The following DNM3 variants were observed in gnomAD, a reference collection of about 807,000 sequenced individuals.
DNM3 encodes dynamin-3.
A neutral mutation model predicts 101.6 loss-of-function variants in DNM3; 47 were observed. That is an observed-to-expected ratio of 0.46 (90% confidence interval 0.37 to 0.59). The LOEUF (loss-of-function observed/expected upper bound fraction) is 0.59, where lower values mean the gene tolerates loss of function less well. DNM3 is among the 20% of genes least tolerant of loss of function. The probability of loss-of-function intolerance (pLI) is 0.00; values close to 1 mark genes in which losing one functional copy is unlikely to be tolerated. For missense variants in DNM3, 849 were observed against 1,085.7 expected (o/e 0.78, Z 3.06); for synonymous variants, 385 against 387.9 (o/e 0.99, Z 0.09).
intron 2 of DNM3, among the ~76,000 whole-genome samples, chr1:171,977,606 T>G (rs887344998): frequency 6.6e-6 from 1 of 152,236 alleles, no homozygotes; most frequent in East Asian, 1.9e-4. Flanking sequence ...GTTTCCTACA[T>G]CCTTATAATT....
At chr1:172,036,885 C>T (rs887531788) in intron 6 of DNM3, among the ~76,000 whole-genome samples, 53 of 151,266 alleles carry the variant, frequency 3.5e-4, no homozygotes, top group African/African-American at 1.3e-3. Context: ...AAAATTTTCG[C>T]AACCTACTCA....
chr1:172,025,468 C>A (rs898566920), intron 4 of DNM3, among the ~76,000 whole-genome samples: 4 of 152,238 alleles, frequency 2.6e-5, no homozygotes, highest in Admixed American at 2.6e-4. Context: ...GACAGAATGT[C>A]TCCTTAAGTG....
At chr1:172,024,275 A>G (rs1037562893) in intron 4 of DNM3, among the ~76,000 whole-genome samples, 35 of 152,194 alleles carry the variant, frequency 2.3e-4, no homozygotes, top group Admixed American at 1.5e-3. Context: ...GAGAATAGAA[A>G]CCATGTAAAA....
At chr1:172,180,934 A>C (rs2059321501) in intron 14 of DNM3, among the ~76,000 whole-genome samples, 1 of 152,076 alleles carries the variant, frequency 6.6e-6, no homozygotes, top group Non-Finnish European at 1.5e-5. Context: ...AACAAGAATA[A>C]ATATCTGTTT....
chr1:172,270,838 G>T (rs941083757), intron 15 of DNM3, among the ~76,000 whole-genome samples: 2 of 152,034 alleles, frequency 1.3e-5, no homozygotes, highest in Non-Finnish European at 2.9e-5. Flanking sequence ...AGTACTGTGG[G>T]TATAAAGGAA....
intron 17 of DNM3, among the ~76,000 whole-genome samples, chr1:172,359,002 C>G (rs1429528488): frequency 6.6e-6 from 1 of 151,906 alleles, no homozygotes; most frequent in African/African-American, 2.4e-5. Flanking sequence ...GCTGGCTTCA[C>G]TCTGGTTAAT....
intron 11 of DNM3, among the ~76,000 whole-genome samples, chr1:172,075,992 A>G (rs1472390299): frequency 6.6e-6 from 1 of 152,110 alleles, no homozygotes; most frequent in Non-Finnish European, 1.5e-5. Flanking sequence ...GATTTCCTTG[A>G]GCAGTGGTTT....
chr1:171,960,435 G>A (rs1333500051), intron 2 of DNM3, among the ~76,000 whole-genome samples: 2 of 152,192 alleles, frequency 1.3e-5, no homozygotes, highest in African/African-American at 2.4e-5. Flanking sequence ...TAAAGAGAGG[G>A]CTCCACTTTT....
At chr1:171,909,206 C>T (rs1189431204) in intron 1 of DNM3, among the ~76,000 whole-genome samples, 2 of 151,972 alleles carry the variant, frequency 1.3e-5, no homozygotes, top group South Asian at 2.1e-4. Flanking sequence ...TTTGGGAGGC[C>T]GAGCTGGGTG....
intron 14 of DNM3, among the ~76,000 whole-genome samples, chr1:172,155,942 T>C (rs1486358155): frequency 6.6e-6 from 1 of 152,114 alleles, no homozygotes; most frequent in Non-Finnish European, 1.5e-5. Flanking sequence ...AGGGAGAGAC[T>C]AAGGAGCTAG....
At chr1:172,060,018 G>A (rs2051032412) in intron 10 of DNM3, among the ~76,000 whole-genome samples, 2 of 151,680 alleles carry the variant, frequency 1.3e-5, no homozygotes, top group Non-Finnish European at 1.5e-5. Flanking sequence ...CAAAATCAAT[G>A]TACAGAAATC....
At chr1:172,119,974 C>A (rs1344916640) in intron 13 of DNM3, among the ~76,000 whole-genome samples, 1 of 152,188 alleles carries the variant, frequency 6.6e-6, no homozygotes, top group Non-Finnish European at 1.5e-5. Context: ...AAGTTATCAT[C>A]ATTTTTAATG....
intron 15 of DNM3, among the ~76,000 whole-genome samples, chr1:172,269,584 T>TA (rs1165429225): frequency 1.1e-4 from 16 of 152,324 alleles, no homozygotes; most frequent in South Asian, 6.2e-4. Context: ...TAGGCTTTGT[T>TA]AAAAAAACTA....
intron 14 of DNM3, among the ~76,000 whole-genome samples, chr1:172,157,341 A>C (rs1163762830): frequency 1.3e-5 from 2 of 152,074 alleles, no homozygotes; most frequent in African/African-American, 4.8e-5. Context: ...AATTCAAGTG[A>C]TAGAGAGCAG....
Position 172,408,249 on chromosome 1 carries a change from T to C in DNM3, c.*408T>C, listed in dbSNP as rs1025305608. The stretch of plus-strand genomic sequence containing the variant: ...CATACATATTTCTTTTCCCACATTC[T>C]GTTTAGGATGACAGTAATTCTGTTG... On this transcript the variant is annotated 3_prime_UTR_variant, in exon 21 of 21. Transcript: ENST00000627582. 1.0e-6 allele frequency: 1 copy of C among 998,138 alleles called. No homozygotes were observed. Among genetic ancestry groups the C allele is most frequent in the Admixed American group, 5.6e-5 (1 of 17,908 alleles). 61.8% of individuals were successfully genotyped at this position (998,138 alleles called of 1,614,324 possible).
At chr1:171,920,969 G>A (rs1571618472) in intron 1 of DNM3, among the ~76,000 whole-genome samples, 1 of 152,264 alleles carries the variant, frequency 6.6e-6, no homozygotes, top group East Asian at 1.9e-4. Context: ...CTGTTGCACA[G>A]GCTGGAGTGC....
At chr1:171,944,595 A>G (rs1258995461) in intron 2 of DNM3, among the ~76,000 whole-genome samples, 1 of 151,772 alleles carries the variant, frequency 6.6e-6, no homozygotes, top group Non-Finnish European at 1.5e-5. Context: ...GGCTGGTATC[A>G]AACTCCTGAG....
At chr1:172,254,836 G>A (rs185670107) in intron 15 of DNM3, among the ~76,000 whole-genome samples, 4 of 152,228 alleles carry the variant, frequency 2.6e-5, no homozygotes, top group Admixed American at 2.6e-4. Flanking sequence ...GGATAATAAA[G>A]GAGAGTTTTT....
At chr1:172,298,129 C>A (rs2148836681) in intron 15 of DNM3, among the ~76,000 whole-genome samples, 1 of 152,174 alleles carries the variant, frequency 6.6e-6, no homozygotes, top group Non-Finnish European at 1.5e-5. Flanking sequence ...TCTAGGAAGT[C>A]TTTTTTAATG....
Sources: gnomAD v4.1 joint callset for allele counts (sites outside exome capture counted in the v4.1 genomes callset) on GRCh38, gnomAD v4.1.1 for gene constraint, MANE v1.5 for transcripts, NCBI Gene and HGNC (gene_info 2026-07-23, HGNC 2026-07-21) for gene names.